Variants in TTC7B observed in about 807,000 individuals in gnomAD.
TTC7B encodes the protein tetratricopeptide repeat protein 7B.
In TTC7B, 28 loss-of-function variants were observed where a neutral mutation model predicts 106.8. The observed-to-expected ratio is 0.26, with a 90% CI of 0.19 to 0.36. TTC7B has a LOEUF of 0.36. Ranked by LOEUF, TTC7B falls within the 10% of genes least tolerant of loss-of-function variation. TTC7B has a pLI of 1.00. For synonymous variants in TTC7B, 405 were observed against 430.6 expected, an observed-to-expected ratio of 0.94 and a Z score of 0.74; for missense variants, 862 against 1,076.4, an observed-to-expected ratio of 0.80 and a Z score of 2.79.
Position 90,525,982 on chromosome 14 carries a change from A to T in TTC7B, c.*15386T>A, listed in dbSNP as rs1355040099. 7.0e-6 allele frequency: 1 copy of T among 142,598 alleles called. No individual in the cohort carries two copies. The highest frequency in any genetic ancestry group is 1.5e-5 in the Non-Finnish European group (1 of 64,674). 8.8% of individuals were successfully genotyped at this position (142,598 alleles called of 1,614,324 possible). ...TAAAAAATAAAAAAAAATAAAAAAA[A>T]TAAAAAAAAAAAAGAAGTCTTTGTA... On this transcript the variant is annotated 3_prime_UTR_variant, in exon 20 of 20. Coordinates refer to ENST00000328459, the MANE Select transcript of TTC7B (RefSeq NM_001010854.2).
At chr14:90,628,860 C>T (rs1020508886) in intron 15 of TTC7B, among the ~76,000 whole-genome samples, 1 of 152,278 alleles carries the variant, frequency 6.6e-6, no homozygotes, top group African/African-American at 2.4e-5. Context: ...TTCCACTGTG[C>T]CAAGGGACAC....
intron 1 of TTC7B, among the ~76,000 whole-genome samples, chr14:90,786,772 G>T (rs1037318861): frequency 1.3e-5 from 2 of 151,996 alleles, no homozygotes; most frequent in Admixed American, 6.6e-5. Context: ...GTAAAAACAG[G>T]GTTTCACCAT....
intron 5 of TTC7B, among the ~76,000 whole-genome samples, chr14:90,723,345 T>C (rs773651829): frequency 1.1e-4 from 16 of 152,210 alleles, no homozygotes; most frequent in Non-Finnish European, 1.9e-4. Flanking sequence ...ATCTAATGTC[T>C]TCACCACCTA....
chr14:90,737,024 ATATAAT>A (rs1889560923), intron 4 of TTC7B, among the ~76,000 whole-genome samples: 1 of 152,038 alleles, frequency 6.6e-6, no homozygotes, highest in Non-Finnish European at 1.5e-5. Context: ...GTAAAATAAA[ATATAAT>A]TAAAAAGATA....
chr14:90,696,645 T>TGGGCTCTCATGCACAAG (rs1292550066), intron 5 of TTC7B, among the ~76,000 whole-genome samples: 2 of 152,178 alleles, frequency 1.3e-5, no homozygotes, highest in African/African-American at 4.8e-5. Flanking sequence ...ATCTTATACC[T>TGGGCTCTCATGCACAAG]ACATGACATC....
chr14:90,746,701 GT>G (rs1889978345), intron 3 of TTC7B, among the ~76,000 whole-genome samples: 2 of 152,264 alleles, frequency 1.3e-5, no homozygotes, highest in African/African-American at 4.8e-5. Context: ...ACTAATATAG[GT>G]ATTTAGTGTC....
Position 90,539,451 on chromosome 14 carries a change from C to A in TTC7B, c.*1917G>T, listed in dbSNP as rs1889503592. 6.6e-6 allele frequency: 1 copy of A among 152,474 alleles called. No homozygotes were observed. The highest frequency in any genetic ancestry group is 2.4e-5 in the African/African-American group (1 of 41,480). The allele number at this position is 152,474 out of a possible 1,614,324, so 9.4% of individuals were successfully genotyped here. ...GGGCAAGCTGCCACCACACTGAGTA[C>A]CTGCCCCAGGTCCTACATTGCAAAT... On this transcript the variant is annotated 3_prime_UTR_variant, in exon 20 of 20. Coordinates refer to ENST00000328459, the MANE Select transcript of TTC7B (RefSeq NM_001010854.2).
At chr14:90,813,458 G>A (rs1244429355) in intron 1 of TTC7B, among the ~76,000 whole-genome samples, 1 of 152,144 alleles carries the variant, frequency 6.6e-6, no homozygotes, top group African/African-American at 2.4e-5. Context: ...CAATCTTTGT[G>A]GAAGGAAGGA....
At chr14:90,760,439 T>G (rs987247552) in intron 3 of TTC7B, among the ~76,000 whole-genome samples, 1 of 152,148 alleles carries the variant, frequency 6.6e-6, no homozygotes, top group African/African-American at 2.4e-5. Flanking sequence ...GGATGACTCT[T>G]TTTTCGAGAT....
At chr14:90,601,857 T>G in intron 17 of TTC7B, 1 of 285,068 alleles carries the variant, frequency 3.5e-6, no homozygotes, top group Non-Finnish European at 6.9e-6. Flanking sequence ...ACTATGGAAT[T>G]TACATTTTTA....
At chr14:90,764,007 A>C (rs1176911869) in intron 3 of TTC7B, among the ~76,000 whole-genome samples, 3 of 152,168 alleles carry the variant, frequency 2.0e-5, no homozygotes, top group Non-Finnish European at 4.4e-5. Context: ...AAGCCAAAAA[A>C]ATCTTGTAAA....
intron 12 of TTC7B, among the ~76,000 whole-genome samples, chr14:90,653,449 G>T (rs1168168925): frequency 6.6e-6 from 1 of 152,208 alleles, no homozygotes; most frequent in African/African-American, 2.4e-5. Context: ...TGAACACAAG[G>T]AATGGAGTAG....
At chr14:90,649,337 G>C (rs1295093055) in intron 13 of TTC7B, among the ~76,000 whole-genome samples, 1 of 152,216 alleles carries the variant, frequency 6.6e-6, no homozygotes, top group East Asian at 1.9e-4. Flanking sequence ...AGCTCCCTGT[G>C]TTGATCTCAA....
At chr14:90,783,129 A>G (rs1891274055) in intron 2 of TTC7B, among the ~76,000 whole-genome samples, 1 of 152,222 alleles carries the variant, frequency 6.6e-6, no homozygotes, top group Non-Finnish European at 1.5e-5. Context: ...CAGTGGGAGA[A>G]CAGCCCCAAC....
intron 5 of TTC7B, among the ~76,000 whole-genome samples, chr14:90,711,977 C>A (rs994088316): frequency 1.3e-5 from 2 of 151,194 alleles, no homozygotes; most frequent in African/African-American, 4.9e-5. Context: ...ATTAAAAAAC[C>A]AAGATCCACC....
intron 8 of TTC7B, among the ~76,000 whole-genome samples, 190 bp from the exon 9 acceptor site, chr14:90,676,850 G>A (rs1886862040): frequency 1.3e-5 from 2 of 152,174 alleles, no homozygotes; most frequent in African/African-American, 4.8e-5. Context: ...TGATATACGG[G>A]ATGATCCAAA....
chr14:90,650,289 T>C (rs1885658936), intron 13 of TTC7B, among the ~76,000 whole-genome samples: 1 of 152,188 alleles, frequency 6.6e-6, no homozygotes. Context: ...GAATTTCCCT[T>C]CAGTCCTGAT....
In TTC7B at chr14:90,767,036, AAAAAAAAAAG is replaced by A. The variant is rs988442966; in HGVS notation, c.445+13692_445+13701del. ...ATAAATAGTTTATATACCAAAAAAA[AAAAAAAAAAG>A]AAAGAAAGGAAGAAAAGAAATTCTG... On this transcript the variant is annotated intron_variant, in intron 3 of 19. Transcript: ENST00000328459. 7.9e-5 allele frequency: 66 copies of A among 831,498 alleles called. No individual in the cohort carries two copies. In the East Asian group the frequency reaches 1.3e-3, roughly 16 times the overall value. The allele number at this position is 831,498 out of a possible 1,614,324, so 51.5% of individuals were successfully genotyped here.
At chr14:90,693,640 G>A (rs935749870) in intron 6 of TTC7B, among the ~76,000 whole-genome samples, 5 of 152,206 alleles carry the variant, frequency 3.3e-5, no homozygotes, top group South Asian at 4.1e-4. Context: ...CATCAAGGAA[G>A]TGCCAATCAA....
Sources: allele counts gnomAD v4.1 joint callset (sites outside exome capture counted in the v4.1 genomes callset), GRCh38; gene constraint gnomAD v4.1.1; transcripts MANE v1.5; gene names NCBI Gene and HGNC (gene_info 2026-07-23, HGNC 2026-07-21).